The following CDK5RAP2 variants were observed in gnomAD, a reference collection of about 807,000 sequenced individuals.
CDK5RAP2 encodes the protein CDK5 regulatory subunit associated protein 2, also known as CDK5 regulatory subunit-associated protein 2.
Under a neutral mutation model 232.9 loss-of-function variants are expected in CDK5RAP2, and 147 were observed. The observed-to-expected ratio is 0.63, with a 90% CI of 0.55 to 0.72. CDK5RAP2 has a LOEUF of 0.72. Among genes scored for constraint, CDK5RAP2 ranks in the 30% least tolerant of loss-of-function variants. The pLI is 0.00. For synonymous variants in CDK5RAP2, 833 were observed against 833.7 expected (o/e 1.00, Z 0.01); for missense variants, 2,195 against 2,231.5 (o/e 0.98, Z 0.33).
rs773218426 is a variant in CDK5RAP2, at chr9:120,468,695, A to G, written c.1969-698T>C. Among the ~76,000 whole-genome samples, 8 of 152,222 alleles carry G rather than the reference A, an allele frequency of 5.3e-5. 1 individual carries two copies. The highest frequency in any genetic ancestry group is 5.9e-5 in the Non-Finnish European group (4 of 68,038). ...CTGGAGAATTAAATGAGACAGAACA[A>G]TGGCCGAAGTGCCTAACCATGTGCG... is the stretch of plus-strand genomic sequence containing the variant. On this transcript the variant is annotated intron_variant, in intron 17 of 37. Coordinates refer to ENST00000349780, the MANE Select transcript of CDK5RAP2 (RefSeq NM_018249.6).
At position 120,471,858 on chromosome 9, in the gene CDK5RAP2, T is replaced by C. The variant is rs2037725816; in HGVS notation, c.1748A>G (p.Glu583Gly). 1 of 1,614,126 alleles carries C rather than the reference T, an allele frequency of 6.2e-7. No individual in the cohort carries two copies. The change falls in exon 16 of 38, where the codon GAG (glutamate) becomes GGG (glycine). Residue 583 changes from glutamate to glycine, a missense_variant. Coordinates refer to ENST00000349780, the MANE Select transcript of CDK5RAP2 (RefSeq NM_018249.6). ...ESDSINNLQA[E>G]LNKIFALRKQ... ...CCGCAGGGCAAAAATCTTGTTTAAC[T>C]CAGCCTGCAGGTTGTTGATACTTGG...
Position 120,467,934 on chromosome 9 carries a change from T to C in CDK5RAP2, c.2032A>G (p.Ile678Val). 6.2e-7 allele frequency: 1 copy of C among 1,614,166 alleles called. No homozygotes were observed. The highest frequency in any genetic ancestry group is 1.7e-5 in the Admixed American group (1 of 60,024). The change falls in exon 18 of 38, where the codon ATT (isoleucine) becomes GTT (valine). Residue 678 changes from isoleucine to valine, a missense_variant. Physicochemically the swap from Ile to Val is conservative, Grantham distance 29 (BLOSUM62 3). Coordinates refer to ENST00000349780, the MANE Select transcript of CDK5RAP2 (RefSeq NM_018249.6). Reference protein sequence around the residue: ...YTDNQHLKKTIFDLSCMGFQG... With the variant: ...YTDNQHLKKTVFDLSCMGFQG... The stretch of plus-strand genomic sequence containing the variant: ...AAACCCATGCAGGAGAGATCAAAAA[T>C]GGTTTTCTTCAGGTGCTGGTTGTCT...
At chr9:120,458,191 C>T (rs2036888879) in intron 20 of CDK5RAP2, among the ~76,000 whole-genome samples, 2 of 152,190 alleles carry the variant, frequency 1.3e-5, no homozygotes, top group Admixed American at 1.3e-4. Flanking sequence ...TTTCTGGGGG[C>T]TCCCAGGAAT....
intron 7 of CDK5RAP2, among the ~76,000 whole-genome samples, chr9:120,534,162 A>G (rs868045602): frequency 2.3e-4 from 35 of 152,076 alleles, no homozygotes; most frequent in African/African-American, 7.5e-4. Flanking sequence ...AAATTCTTCA[A>G]TAAGGTCCAT....
In CDK5RAP2 at chr9:120,400,784, G is replaced by C. The variant is rs2032937105; in HGVS notation, c.5409C>G (p.Val1803=). The C allele has an allele frequency of 2.5e-6, 4 of 1,614,004 alleles. No homozygotes were observed. The highest frequency in any genetic ancestry group is 4.5e-5 in the East Asian group (2 of 44,896). Residue 1803 remains valine (V), a synonymous_variant, in exon 35 of 38, where the codon GTC becomes GTG. Coordinates refer to ENST00000349780, the MANE Select transcript of CDK5RAP2 (RefSeq NM_018249.6). ...AYRRLKLLWR[V]SLPEDGQCPL... ...GGCACTGGCCATCCTCGGGGAGTGA[G>C]ACTCTCCAGAGAAGCTTCAGCCGCC...
chr9:120,528,882 C>A, intron 8 of CDK5RAP2, 85 bp from the exon 9 acceptor site: 1 of 930,568 alleles, frequency 1.1e-6, no homozygotes, highest in South Asian at 1.3e-5. Flanking sequence ...ACGTCCTTGT[C>A]GCTTACTCAC....
chr9:120,407,656 AC>A (rs2131300556), intron 31 of CDK5RAP2: 1 of 174,850 alleles, frequency 5.7e-6, no homozygotes, highest in African/African-American at 2.4e-5. Context: ...CTGTGAGATG[AC>A]CCCTTTCTAG....
At chr9:120,478,520 C>T (rs939279876) in intron 14 of CDK5RAP2, among the ~76,000 whole-genome samples, 2 of 152,162 alleles carry the variant, frequency 1.3e-5, no homozygotes, top group African/African-American at 4.8e-5. Context: ...ACCTATAATC[C>T]CAGCTCTGTG....
At chr9:120,536,273 G>A in intron 7 of CDK5RAP2, 99 bp downstream of exon 7, 1 of 1,324,328 alleles carries the variant, frequency 7.6e-7, no homozygotes, top group Non-Finnish European at 1.1e-6. Flanking sequence ...TGGGAAACAT[G>A]GGGAGAAGGG....
chr9:120,392,373 C>T (rs1450422163), intron 36 of CDK5RAP2, among the ~76,000 whole-genome samples: 1 of 152,214 alleles, frequency 6.6e-6, no homozygotes, highest in African/African-American at 2.4e-5. Context: ...GAGATCTGAA[C>T]TGTGCTCAAT....
chr9:120,446,987 T>TAC (rs950706590), intron 22 of CDK5RAP2, among the ~76,000 whole-genome samples: 23 of 152,030 alleles, frequency 1.5e-4, no homozygotes, highest in South Asian at 8.3e-4. Flanking sequence ...GCCCCGACCC[T>TAC]ACACACACAC....
intron 3 of CDK5RAP2, among the ~76,000 whole-genome samples, chr9:120,555,678 T>A (rs1409067675): frequency 1.3e-5 from 2 of 152,232 alleles, no homozygotes; most frequent in African/African-American, 2.4e-5. Context: ...AGACTTAACA[T>A]GTGACTCAAC....
intron 4 of CDK5RAP2, among the ~76,000 whole-genome samples, chr9:120,548,981 A>G (rs1233947914): frequency 6.6e-6 from 1 of 152,142 alleles, no homozygotes. Flanking sequence ...ACATGGGGAA[A>G]CCCCATCTCT....
At chr9:120,520,103 T>C (rs891324028) in intron 11 of CDK5RAP2, among the ~76,000 whole-genome samples, 1 of 152,256 alleles carries the variant, frequency 6.6e-6, no homozygotes, top group African/African-American at 2.4e-5. Flanking sequence ...TAATGGCCTC[T>C]ATTTTTTAAA....
Position 120,412,836 on chromosome 9 carries a change from C to T in CDK5RAP2, c.4298-1362G>A, listed in dbSNP as rs906408171. Among the ~76,000 whole-genome samples the T allele has an allele frequency of 9.2e-5, 14 of 152,310 alleles. 1 individual carries two copies. The South Asian group carries it at 2.9e-3, about 32-fold the overall frequency. ...CCACTCTACAGCACTACCTTTTTCT[C>T]ATGTTAATGATTCACTTACCGCAAG... On this transcript the variant is annotated intron_variant, in intron 28 of 37. Coordinates refer to ENST00000349780, the MANE Select transcript of CDK5RAP2 (RefSeq NM_018249.6).
intron 35 of CDK5RAP2, among the ~76,000 whole-genome samples, chr9:120,396,806 AC>A (rs931251092): frequency 6.6e-6 from 1 of 152,244 alleles, no homozygotes; most frequent in Non-Finnish European, 1.5e-5. Context: ...TTAATTGTTT[AC>A]ATGTCTGTTG....
intron 1 of CDK5RAP2, among the ~76,000 whole-genome samples, chr9:120,573,602 A>G (rs1170339243): frequency 6.6e-6 from 1 of 152,074 alleles, no homozygotes. Flanking sequence ...TAAATGAAAA[A>G]ACGTAAACAG....
At chr9:120,493,759 C>T (rs530270083) in intron 12 of CDK5RAP2, among the ~76,000 whole-genome samples, 2 of 152,108 alleles carry the variant, frequency 1.3e-5, no homozygotes, top group Non-Finnish European at 2.9e-5. Context: ...ACATATTCAA[C>T]AAACAAATTA....
At chr9:120,433,217 G>A (rs183644112) in intron 25 of CDK5RAP2, among the ~76,000 whole-genome samples, 2 of 152,272 alleles carry the variant, frequency 1.3e-5, no homozygotes, top group Non-Finnish European at 2.9e-5. Flanking sequence ...AAGACAAGAG[G>A]AACAGAGTTA....
Sources: allele counts gnomAD v4.1 joint callset (sites outside exome capture counted in the v4.1 genomes callset), GRCh38; gene constraint gnomAD v4.1.1; transcripts MANE v1.5; gene names NCBI Gene and HGNC (gene_info 2026-07-23, HGNC 2026-07-21).